SORCS2: variants seen among roughly 807,000 people sequenced by gnomAD.
SORCS2 encodes VPS10 domain-containing receptor SorCS2.
In SORCS2, 100 loss-of-function variants were observed where a neutral mutation model predicts 141.6. The ratio of observed to expected loss-of-function variants is 0.71; its 90% CI spans 0.60 to 0.83. The LOEUF (loss-of-function observed/expected upper bound fraction) is 0.83, where lower values mean the gene tolerates loss of function less well. Among genes scored for constraint, SORCS2 ranks in the 40% least tolerant of loss-of-function variants. The pLI is 0.00. For missense variants in SORCS2, 1,646 were observed against 1,560.2 expected, an observed-to-expected ratio of 1.05 and a Z score of -0.93; for synonymous variants, 789 against 676.9, an observed-to-expected ratio of 1.17 and a Z score of -2.57.
At chr4:7,701,141 G>A (rs1198128954) in intron 12 of SORCS2, among the ~76,000 whole-genome samples, 1 of 151,922 alleles carries the variant, frequency 6.6e-6, no homozygotes, top group Non-Finnish European at 1.5e-5. Flanking sequence ...GTGTCATTTG[G>A]CATCACCTGA....
intron 1 of SORCS2, among the ~76,000 whole-genome samples, chr4:7,388,472 C>T (rs1467623936): frequency 1.3e-5 from 2 of 152,126 alleles, no homozygotes; most frequent in South Asian, 2.1e-4. Context: ...ATAGGTAATA[C>T]AGCCAAATGG....
At chr4:7,478,224 G>A (rs941044175) in intron 2 of SORCS2, among the ~76,000 whole-genome samples, 13 of 152,072 alleles carry the variant, frequency 8.5e-5, no homozygotes, top group African/African-American at 1.7e-4. Flanking sequence ...TGATGTGGGC[G>A]CTGCAGGCAG....
At chr4:7,550,770 T>A (rs1175536800) in intron 3 of SORCS2, among the ~76,000 whole-genome samples, 3 of 152,188 alleles carry the variant, frequency 2.0e-5, no homozygotes, top group African/African-American at 7.2e-5. Flanking sequence ...AATGGAGTCA[T>A]TTTACCAAAC....
At chr4:7,421,434 G>A (rs550610495) in intron 2 of SORCS2, among the ~76,000 whole-genome samples, 81 of 152,290 alleles carry the variant, frequency 5.3e-4, no homozygotes, top group African/African-American at 1.7e-3. Flanking sequence ...CTGGTTTACT[G>A]CATCTGTGAT....
At chr4:7,360,086 G>A (rs934398624) in intron 1 of SORCS2, among the ~76,000 whole-genome samples, 8 of 152,162 alleles carry the variant, frequency 5.3e-5, no homozygotes, top group Admixed American at 1.3e-4. Context: ...TTGTTTTAAC[G>A]AAGGCCCCTG....
At chr4:7,699,561 C>T (rs541630146) in intron 12 of SORCS2, among the ~76,000 whole-genome samples, 16 of 152,256 alleles carry the variant, frequency 1.1e-4, no homozygotes, top group Admixed American at 2.6e-4. Flanking sequence ...CTGCACCACA[C>T]CCTGCTGTTC....
At chr4:7,266,260 A>T (rs933677739) in intron 1 of SORCS2, among the ~76,000 whole-genome samples, 4 of 152,204 alleles carry the variant, frequency 2.6e-5, no homozygotes, top group Admixed American at 2.6e-4. Flanking sequence ...GCTTGGTGGA[A>T]CAATTCAGAG....
intron 19 of SORCS2, among the ~76,000 whole-genome samples, chr4:7,724,105 AGTGGTGGTGATGGTGGTGGTGGTGGTG>A (rs1360598290): frequency 4.4e-5 from 6 of 136,066 alleles, no homozygotes; most frequent in South Asian, 2.2e-4. Flanking sequence ...TATTGATGAT[AGTGGTGGTGATGGTGGTGGTGGTGGTG>A]GTGGTGGTGA....
intron 1 of SORCS2, among the ~76,000 whole-genome samples, chr4:7,319,475 T>C (rs1044788395): frequency 1.3e-5 from 2 of 151,518 alleles, no homozygotes; most frequent in African/African-American, 4.9e-5. Flanking sequence ...GAGGCCAAGG[T>C]GGGAAAATTG....
chr4:7,722,920 G>A (rs567520645), intron 18 of SORCS2, among the ~76,000 whole-genome samples: 3 of 152,248 alleles, frequency 2.0e-5, no homozygotes, highest in South Asian at 2.1e-4. Flanking sequence ...CGGTTTCCTC[G>A]TGCCCCTGGT....
At chr4:7,490,656 C>T (rs571654475) in intron 2 of SORCS2, among the ~76,000 whole-genome samples, 13 of 152,292 alleles carry the variant, frequency 8.5e-5, no homozygotes, top group African/African-American at 3.1e-4. Flanking sequence ...TTCCCAGTTC[C>T]ATGCACCGTC....
At chr4:7,420,469 A>C (rs34442888) in intron 2 of SORCS2, among the ~76,000 whole-genome samples, 49,713 of 152,146 alleles carry the variant, frequency 0.33, 8,554 homozygotes, top group East Asian at 0.51. Flanking sequence ...GCTCAGGTCC[A>C]GTTGGCACAG....
intron 1 of SORCS2, among the ~76,000 whole-genome samples, chr4:7,372,933 G>A (rs1372209134): frequency 1.3e-5 from 2 of 151,674 alleles, no homozygotes; most frequent in Non-Finnish European, 2.9e-5. Flanking sequence ...GTGCAACGCA[G>A]TCTTCCATCG....
intron 17 of SORCS2, among the ~76,000 whole-genome samples, chr4:7,715,667 G>A (rs1055076659): frequency 1.3e-5 from 2 of 152,226 alleles, no homozygotes; most frequent in African/African-American, 4.8e-5. Context: ...CACACCTGCT[G>A]CAGCACGTCT....
intron 2 of SORCS2, among the ~76,000 whole-genome samples, chr4:7,456,098 C>T (rs150524282): frequency 1.3e-5 from 2 of 152,290 alleles, no homozygotes; most frequent in East Asian, 3.9e-4. Context: ...GTGGTCGTCC[C>T]TCTATGTGTC....
chr4:7,373,478 A>ATTTTTTTTTTTTTTTTTTTTTTTTT (rs71173496), intron 1 of SORCS2, among the ~76,000 whole-genome samples: 1 of 36,824 alleles, frequency 2.7e-5, no homozygotes, highest in South Asian at 1.3e-3. Context: ...ATATATATAT[A>ATTTTTTTTTTTTTTTTTTTTTTTTT]TTTTTTTTTT....
chr4:7,215,524 G>A (rs111273519), intron 1 of SORCS2, among the ~76,000 whole-genome samples: 15 of 152,374 alleles, frequency 9.8e-5, no homozygotes, highest in Non-Finnish European at 1.9e-4. Flanking sequence ...AGTGCATGGC[G>A]CCGGACTGGC....
chr4:7,325,922 G>T (rs1219947086), intron 1 of SORCS2, among the ~76,000 whole-genome samples: 1 of 152,122 alleles, frequency 6.6e-6, no homozygotes, highest in Non-Finnish European at 1.5e-5. Context: ...GTTGGTACGC[G>T]GTACAGGGGG....
chr4:7,629,668 C>T (rs148316167), intron 3 of SORCS2, among the ~76,000 whole-genome samples: 11 of 152,066 alleles, frequency 7.2e-5, no homozygotes, highest in South Asian at 2.1e-4. Flanking sequence ...TGTTCCTTTC[C>T]GGCACCCCCA....
Sources: allele counts gnomAD v4.1 joint callset (sites outside exome capture counted in the v4.1 genomes callset), GRCh38; gene constraint gnomAD v4.1.1; transcripts MANE v1.5; gene names NCBI Gene and HGNC (gene_info 2026-07-23, HGNC 2026-07-21).